IL1R1: variants seen among roughly 807,000 people sequenced by gnomAD.
The protein encoded by IL1R1 is interleukin 1 receptor type 1, also known as interleukin-1 receptor type 1.
Under a neutral mutation model 50.2 loss-of-function variants are expected in IL1R1, and 22 were observed. The ratio of observed to expected loss-of-function variants is 0.44; its 90% CI spans 0.31 to 0.63. IL1R1 has a LOEUF of 0.63. Among genes scored for constraint, IL1R1 ranks in the 20% least tolerant of loss-of-function variants. IL1R1 has a pLI of 0.07. For synonymous variants in IL1R1, 251 were observed against 236.7 expected (o/e 1.06, Z -0.55); for missense variants, 509 against 676.2 (o/e 0.75, Z 2.74).
intron 1 of IL1R1, among the ~76,000 whole-genome samples, chr2:102,127,240 T>A (rs532717906): frequency 2.5e-4 from 38 of 152,218 alleles, no homozygotes; most frequent in African/African-American, 9.2e-4. Flanking sequence ...GTCCTAAAAT[T>A]AATACCTGCA....
At position 102,164,704 on chromosome 2, in the gene IL1R1, C is replaced by T. The variant is rs554579204; in HGVS notation, c.62-70C>T. ...GTATTTAATAATCAATGTGTTTCTTCGTAGATATTAAATCAAGACACACTG... is the reference window on the plus strand; with the variant it reads ...GTATTTAATAATCAATGTGTTTCTTTGTAGATATTAAATCAAGACACACTG... On this transcript the variant is annotated intron_variant, in intron 3 of 11. Transcript: ENST00000410023. The T allele has an allele frequency of 3.2e-4, 301 of 938,478 alleles. 1 individual carries two copies. Among genetic ancestry groups the T allele is most frequent in the South Asian group, 1.0e-3 (69 of 66,886 alleles). 58.1% of individuals were successfully genotyped at this position (938,478 alleles called of 1,614,324 possible). A position where few individuals can be genotyped will look rare whatever the true frequency, so the allele number is the denominator to read the frequency against.
At chr2:102,099,809 G>C (rs1014658787), upstream of IL1R1, among the ~76,000 whole-genome samples, 2 of 152,136 alleles carry the variant, frequency 1.3e-5, no homozygotes, top group African/African-American at 4.8e-5. Flanking sequence ...GCCCTGTCCT[G>C]TACTTAACAA....
intron 1 of IL1R1, among the ~76,000 whole-genome samples, chr2:102,087,235 A>G (rs879591004): frequency 2.0e-5 from 3 of 152,184 alleles, no homozygotes; most frequent in Non-Finnish European, 2.9e-5. Context: ...TCTACCCTTG[A>G]TGTTGATGGC....
upstream of IL1R1, among the ~76,000 whole-genome samples, chr2:102,137,950 A>G (rs1378727472): frequency 6.6e-6 from 1 of 152,236 alleles, no homozygotes; most frequent in Non-Finnish European, 1.5e-5. Flanking sequence ...TTAGAGATCA[A>G]TTACAAAAAA....
chr2:102,175,380 A>T, intron 10 of IL1R1, 98 bp from the exon 11 acceptor site: 1 of 898,912 alleles, frequency 1.1e-6, no homozygotes. Context: ...ATAAAAAAAG[A>T]TGAATAGTTC....
upstream of IL1R1, among the ~76,000 whole-genome samples, chr2:102,142,627 G>A (rs1199542254): frequency 6.6e-6 from 1 of 151,862 alleles, no homozygotes; most frequent in East Asian, 1.9e-4. Context: ...TGCTCCTCCG[G>A]GTGGAGAGTT....
rs2104618744 is a variant in IL1R1 at position 102,171,916 on chromosome 2, C to T, written c.837C>T (p.Tyr279=). The change falls in exon 8 of 12, where the codon TAC becomes TAT. Residue 279 remains tyrosine (Y), a splice_region_variant and synonymous_variant. Coordinates refer to ENST00000410023, the MANE Select transcript of IL1R1 (RefSeq NM_000877.4). ...EDDPVLGEDY[Y]SVENPANKRR... ...ACCCAGTGCTAGGGGAAGACTATTA[C>T]AGGTATGTATGCTAAGAGTTATTCA... The T allele has an allele frequency of 2.0e-6, 3 of 1,497,188 alleles. No individual in the cohort carries two copies. The South Asian group carries it at 3.5e-5, about 17-fold the overall frequency. 92.7% of individuals were successfully genotyped at this position (1,497,188 alleles called of 1,614,324 possible). A position where few individuals can be genotyped will look rare whatever the true frequency, so the allele number is the denominator to read the frequency against.
intron 1 of IL1R1, among the ~76,000 whole-genome samples, chr2:102,137,070 C>T (rs932832851): frequency 4.6e-5 from 7 of 152,136 alleles, no homozygotes; most frequent in Admixed American, 1.3e-4. Flanking sequence ...TAGCTCTCAG[C>T]TTTTGTTTGC....
chr2:102,092,777 G>A (rs910154137), intron 1 of IL1R1, among the ~76,000 whole-genome samples: 21 of 152,322 alleles, frequency 1.4e-4, no homozygotes, highest in African/African-American at 5.1e-4. Flanking sequence ...AGAGAAGAAA[G>A]GATGGGGGTG....
chr2:102,172,506 T>C, intron 8 of IL1R1, 181 bp from the exon 9 acceptor site: 1 of 1,167,876 alleles, frequency 8.6e-7, no homozygotes. Context: ...ACAGTGGTCT[T>C]GGGGTTATAA....
rs1459622179 is a variant in IL1R1, at chr2:102,175,501, G to A, written c.1159G>A (p.Ala387Thr). 3 of 1,613,268 alleles carry A rather than the reference G, an allele frequency of 1.9e-6. No individual in the cohort carries two copies. Among genetic ancestry groups the A allele is most frequent in the Admixed American group, 1.7e-5 (1 of 60,002 alleles). ...AGCTTCAGATGGAAAGACCTATGAC[G>A]CATATATACTGTATCCAAAGACTGT... Reference protein sequence around the residue: ...IKASDGKTYDAYILYPKTVGE... With the variant: ...IKASDGKTYDTYILYPKTVGE... The change falls in exon 11 of 12, where the codon GCA becomes ACA. Residue 387 changes from alanine to threonine, a missense_variant. Transcript: ENST00000410023.
upstream of IL1R1, among the ~76,000 whole-genome samples, chr2:102,139,655 A>C (rs1682532964): frequency 6.6e-6 from 1 of 152,188 alleles, no homozygotes; most frequent in Admixed American, 6.5e-5. Context: ...TTTTGCTCTG[A>C]GTTCACATGA....
chr2:102,174,034 G>A (rs1161628163), intron 9 of IL1R1, among the ~76,000 whole-genome samples: 1 of 152,126 alleles, frequency 6.6e-6, no homozygotes, highest in African/African-American at 2.4e-5. Context: ...GCTTTTACAT[G>A]GTTCCTGATA....
At chr2:102,075,160 G>A (rs1290254011) in intron 1 of IL1R1, among the ~76,000 whole-genome samples, 1 of 152,154 alleles carries the variant, frequency 6.6e-6, no homozygotes, top group African/African-American at 2.4e-5. Context: ...CAAGTTATTG[G>A]TAGTGGGAGT....
At chr2:102,147,020 G>A (rs552278198) in intron 1 of IL1R1, among the ~76,000 whole-genome samples, 1 of 152,326 alleles carries the variant, frequency 6.6e-6, no homozygotes, top group African/African-American at 2.4e-5. Context: ...CAGGGCACCG[G>A]ACATGTCTAA....
At chr2:102,112,311 CGTGTGTGTGTGTGTGTGTGT>C (rs146015817) in intron 1 of IL1R1, among the ~76,000 whole-genome samples, 2 of 147,912 alleles carry the variant, frequency 1.4e-5, no homozygotes, top group African/African-American at 5.0e-5. Flanking sequence ...TGGGGATTAA[CGTGTGTGTGTGTGTGTGTGT>C]GTGTGTGAGT....
Position 102,176,405 on chromosome 2 carries a change from C to G in IL1R1, c.1356C>G (p.Ile452Met). 1 of 1,614,022 alleles carries G rather than the reference C, an allele frequency of 6.2e-7. No homozygotes were observed. The highest frequency in any genetic ancestry group is 8.5e-7 in the Non-Finnish European group (1 of 1,179,928). The change falls in exon 12 of 12, where the codon ATC becomes ATG. Residue 452 changes from isoleucine to methionine, a missense_variant. By Grantham distance (10) the Ile-to-Met change is conservative (BLOSUM62 1). Coordinates refer to ENST00000410023, the MANE Select transcript of IL1R1 (RefSeq NM_000877.4). Reference sequence around the variant, plus strand: ...TAAAGAAAAGCAGAAGACTGATTATCATTTTAGTCAGAGAAACATCAGGCT... The same window carrying G: ...TAAAGAAAAGCAGAAGACTGATTATGATTTTAGTCAGAGAAACATCAGGCT... ...ENVKKSRRLI[I>M]ILVRETSGFS...
chr2:102,095,539 C>T (rs1035219538), intron 1 of IL1R1, among the ~76,000 whole-genome samples: 17 of 152,280 alleles, frequency 1.1e-4, no homozygotes, highest in African/African-American at 3.9e-4. Context: ...CACCCATGAA[C>T]TTGCTAAGTA....
chr2:102,120,998 C>G (rs557729968), intron 1 of IL1R1, among the ~76,000 whole-genome samples: 39 of 152,334 alleles, frequency 2.6e-4, no homozygotes, highest in African/African-American at 9.1e-4. Context: ...CAAGCAGCTG[C>G]TTGGGGACTC....
Sources: allele counts gnomAD v4.1 joint callset (sites outside exome capture counted in the v4.1 genomes callset), GRCh38; gene constraint gnomAD v4.1.1; transcripts MANE v1.5; gene names NCBI Gene and HGNC (gene_info 2026-07-23, HGNC 2026-07-21).